The following MYRIP variants were observed in gnomAD, a reference collection of about 807,000 sequenced individuals.
The protein encoded by MYRIP is rab effector MyRIP.
A neutral mutation model predicts 98.0 loss-of-function variants in MYRIP; 49 were observed. The ratio of observed to expected loss-of-function variants is 0.50; its 90% CI spans 0.40 to 0.63. MYRIP has a LOEUF of 0.63. Among genes scored for constraint, MYRIP ranks in the 30% least tolerant of loss-of-function variants. MYRIP has a pLI of 0.00. For missense variants in MYRIP, 1,004 were observed against 1,058.2 expected (o/e 0.95, Z 0.71); for synonymous variants, 404 against 409.5 (o/e 0.99, Z 0.16).
intron 2 of MYRIP, among the ~76,000 whole-genome samples, chr3:39,928,332 A>G (rs1226103460): frequency 1.3e-5 from 2 of 151,790 alleles, no homozygotes; most frequent in East Asian, 1.9e-4. Flanking sequence ...TAAAACTAGT[A>G]TTACCCTGAT....
At chr3:39,961,108 T>C (rs566751725) in intron 2 of MYRIP, among the ~76,000 whole-genome samples, 1 of 152,272 alleles carries the variant, frequency 6.6e-6, no homozygotes, top group African/African-American at 2.4e-5. Flanking sequence ...CTGGTGCAAG[T>C]TGAATTCTGG....
At chr3:40,095,516 G>C (rs962727234) in intron 3 of MYRIP, among the ~76,000 whole-genome samples, 1 of 152,170 alleles carries the variant, frequency 6.6e-6, no homozygotes, top group African/African-American at 2.4e-5. Flanking sequence ...ACTCTGAGAA[G>C]CCAGCTTTGT....
rs115534696 is a variant in MYRIP at position 40,229,924 on chromosome 3, T to C, written c.1906-3935T>C. Among the ~76,000 whole-genome samples, 588 of 152,332 alleles carry C rather than the reference T, an allele frequency of 3.9e-3. 1 individual carries two copies. Among genetic ancestry groups the C allele is most frequent in the African/African-American group, 0.014 (562 of 41,566 alleles). On this transcript the variant is annotated intron_variant, in intron 11 of 16. Coordinates refer to ENST00000302541, the MANE Select transcript of MYRIP (RefSeq NM_015460.4). ...CACATGCTACCTGCACTAAGGCATA[T>C]TGGCATACACTTGGCATTTTAAAAA...
intron 1 of MYRIP, among the ~76,000 whole-genome samples, chr3:39,841,389 G>A (rs1559492932): frequency 6.6e-6 from 1 of 151,960 alleles, no homozygotes; most frequent in East Asian, 1.9e-4. Flanking sequence ...TCCTTGCATT[G>A]GGTTAGAACA....
intron 3 of MYRIP, among the ~76,000 whole-genome samples, chr3:40,149,492 T>C (rs1403176065): frequency 6.6e-6 from 1 of 152,248 alleles, no homozygotes; most frequent in Non-Finnish European, 1.5e-5. Flanking sequence ...TTAATCTCCA[T>C]ACTGAAGTCT....
chr3:40,192,309 C>CATATATATAT lies in MYRIP; in HGVS notation c.1665+1853_1665+1862dup, dbSNP rs763879430. On this transcript the variant is annotated intron_variant, in intron 10 of 16. Coordinates refer to ENST00000302541, the MANE Select transcript of MYRIP (RefSeq NM_015460.4). The stretch of plus-strand genomic sequence containing the variant: ...ATTTACTGCGGCAGTTAGTTTTCTT[C>CATATATATAT]ATATATATATATATATGTCATATAT... Among the ~76,000 whole-genome samples, 29 of 57,954 alleles carry CATATATATAT rather than the reference C, an allele frequency of 5.0e-4. 5 individuals carry two copies. The highest frequency in any genetic ancestry group is 6.5e-4 in the Non-Finnish European group (23 of 35,488). 38.0% of individuals were successfully genotyped at this position (57,954 alleles called of 152,430 possible). A position where few individuals can be genotyped will look rare whatever the true frequency, so the allele number is the denominator to read the frequency against.
chr3:39,934,581 T>A (rs1944616013), intron 2 of MYRIP, among the ~76,000 whole-genome samples: 1 of 152,042 alleles, frequency 6.6e-6, no homozygotes, highest in South Asian at 2.1e-4. Context: ...TTACCTTCCT[T>A]CTTTAGTTTT....
intron 10 of MYRIP, among the ~76,000 whole-genome samples, chr3:40,196,216 A>G (rs1288464263): frequency 6.6e-6 from 1 of 151,340 alleles, no homozygotes; most frequent in African/African-American, 2.4e-5. Flanking sequence ...AATCCCAGGG[A>G]TTTTTTATTT....
intron 1 of MYRIP, among the ~76,000 whole-genome samples, chr3:39,889,864 T>A (rs371660646): frequency 6.6e-6 from 1 of 152,168 alleles, no homozygotes; most frequent in African/African-American, 2.4e-5. Context: ...TTTTCTTTTA[T>A]TACCTTTATG....
chr3:39,873,572 C>A (rs892108594), intron 1 of MYRIP, among the ~76,000 whole-genome samples: 24 of 152,166 alleles, frequency 1.6e-4, no homozygotes, highest in Non-Finnish European at 3.5e-4. Context: ...GCCAGTTTTC[C>A]CAGCACCATT....
chr3:40,175,965 G>A (rs1950745741), intron 8 of MYRIP, among the ~76,000 whole-genome samples: 1 of 152,246 alleles, frequency 6.6e-6, no homozygotes, highest in Non-Finnish European at 1.5e-5. Context: ...GGCAAAGAAT[G>A]TGAGGAACAA....
intron 1 of MYRIP, among the ~76,000 whole-genome samples, chr3:39,890,984 C>T (rs1338820898): frequency 6.6e-6 from 1 of 152,058 alleles, no homozygotes; most frequent in Non-Finnish European, 1.5e-5. Context: ...CTTTTATCTC[C>T]TCTTCCTCCC....
intron 11 of MYRIP, among the ~76,000 whole-genome samples, chr3:40,222,151 G>C (rs1163937821): frequency 1.3e-5 from 2 of 152,206 alleles, no homozygotes; most frequent in Admixed American, 1.3e-4. Flanking sequence ...TGCACAGCAA[G>C]GCTACCCCAT....
At chr3:40,125,518 A>C in intron 3 of MYRIP, among the ~76,000 whole-genome samples, 1 of 152,220 alleles carries the variant, frequency 6.6e-6, no homozygotes, top group East Asian at 1.9e-4. Context: ...CCACTGACTC[A>C]GATCTTAATC....
At chr3:40,108,174 T>TGAGAGAGAGAGAGAGA (rs72224557) in intron 3 of MYRIP, among the ~76,000 whole-genome samples, 10 of 138,306 alleles carry the variant, frequency 7.2e-5, no homozygotes, top group Admixed American at 2.2e-4. Flanking sequence ...GCAGTGTTTG[T>TGAGAGAGAGAGAGAGA]GAGAGAGAGA....
intron 1 of MYRIP, among the ~76,000 whole-genome samples, chr3:39,898,317 T>C (rs1424231091): frequency 6.6e-6 from 1 of 152,196 alleles, no homozygotes; most frequent in Admixed American, 6.5e-5. Context: ...ATTTGTTGGT[T>C]AAATCTTGAG....
chr3:40,177,569 T>C (rs1950793235), intron 8 of MYRIP, among the ~76,000 whole-genome samples: 1 of 152,222 alleles, frequency 6.6e-6, no homozygotes, highest in Non-Finnish European at 1.5e-5. Flanking sequence ...TCATCTATTC[T>C]CTTGGAAGAA....
At chr3:40,169,870 C>T in intron 7 of MYRIP, 80 bp from the exon 8 acceptor site, 1 of 1,573,546 alleles carries the variant, frequency 6.4e-7, no homozygotes, top group South Asian at 1.1e-5. Context: ...AAAAAAATTC[C>T]AAAGATGGTC....
intron 3 of MYRIP, among the ~76,000 whole-genome samples, chr3:40,114,188 G>A (rs529858543): frequency 6.6e-6 from 1 of 152,250 alleles, no homozygotes; most frequent in Non-Finnish European, 1.5e-5. Context: ...CTATAACATT[G>A]TAATATATTT....
Sources: gnomAD v4.1 joint callset for allele counts (sites outside exome capture counted in the v4.1 genomes callset) on GRCh38, gnomAD v4.1.1 for gene constraint, MANE v1.5 for transcripts, NCBI Gene and HGNC (gene_info 2026-07-23, HGNC 2026-07-21) for gene names.